Variants in SPOCK3 observed in about 807,000 individuals in gnomAD.
SPOCK3 encodes testican-3.
Under a neutral mutation model 56.6 loss-of-function variants are expected in SPOCK3, and 30 were observed. That is an observed-to-expected ratio of 0.53 (90% CI 0.40 to 0.72). SPOCK3 has a LOEUF of 0.72. Ranked by LOEUF, SPOCK3 falls within the 30% of genes least tolerant of loss-of-function variation. The probability of loss-of-function intolerance (pLI) is 0.00; values close to 1 mark genes in which losing one functional copy is unlikely to be tolerated. For missense variants in SPOCK3, 527 were observed against 530.0 expected, an observed-to-expected ratio of 0.99 and a Z score of 0.06; for synonymous variants, 196 against 183.3, an observed-to-expected ratio of 1.07 and a Z score of -0.56.
intron 2 of SPOCK3, among the ~76,000 whole-genome samples, chr4:167,128,218 T>A (rs1434979046): frequency 2.0e-5 from 3 of 152,124 alleles, no homozygotes; most frequent in Non-Finnish European, 4.4e-5. Flanking sequence ...TCCTTACACC[T>A]CCTCTCATTC....
intron 4 of SPOCK3, among the ~76,000 whole-genome samples, chr4:166,927,672 GT>G (rs768552197): frequency 6.6e-6 from 1 of 152,108 alleles, no homozygotes; most frequent in Admixed American, 6.5e-5. Flanking sequence ...GTTTTGGAAA[GT>G]TTTTTTAGAT....
At chr4:166,738,064 C>G (rs1224857608) in intron 9 of SPOCK3, among the ~76,000 whole-genome samples, 1 of 152,196 alleles carries the variant, frequency 6.6e-6, no homozygotes, top group African/African-American at 2.4e-5. Context: ...CCAAATCAAG[C>G]TATGTGTTTT....
At chr4:166,802,782 T>C (rs1742752588) in intron 6 of SPOCK3, among the ~76,000 whole-genome samples, 1 of 152,128 alleles carries the variant, frequency 6.6e-6, no homozygotes, top group Non-Finnish European at 1.5e-5. Flanking sequence ...AATAAATATG[T>C]TCACACATAT....
At chr4:166,956,364 C>A (rs1323170897) in intron 4 of SPOCK3, among the ~76,000 whole-genome samples, 11 of 152,106 alleles carry the variant, frequency 7.2e-5, no homozygotes, top group Admixed American at 5.9e-4. Context: ...TGTGCTTGCA[C>A]TTTGGGGCCA....
intron 3 of SPOCK3, among the ~76,000 whole-genome samples, chr4:167,025,927 CA>C (rs1373658371): frequency 6.6e-6 from 1 of 152,008 alleles, no homozygotes; most frequent in African/African-American, 2.4e-5. Context: ...TCCTAGGCTA[CA>C]AACCTGTACA....
At chr4:167,030,712 ACT>A (rs1231365566) in intron 3 of SPOCK3, among the ~76,000 whole-genome samples, 1 of 151,954 alleles carries the variant, frequency 6.6e-6, no homozygotes, top group Admixed American at 6.6e-5. Context: ...CCAATAAGAG[ACT>A]CTACCATATA....
At chr4:167,116,622 T>TACGTATATACTATATACGTATATATATAC (rs1554038927) in intron 2 of SPOCK3, among the ~76,000 whole-genome samples, 5 of 125,378 alleles carry the variant, frequency 4.0e-5, no homozygotes, top group East Asian at 2.2e-4. Flanking sequence ...CGTATATATA[T>TACGTATATACTATATACGTATATATATAC]ACATATATAC....
At chr4:166,807,823 T>G (rs1344086400) in intron 6 of SPOCK3, among the ~76,000 whole-genome samples, 1 of 152,162 alleles carries the variant, frequency 6.6e-6, no homozygotes, top group Non-Finnish European at 1.5e-5. Flanking sequence ...CAGATGGCAT[T>G]TGAGTTACAT....
chr4:166,953,684 C>G (rs1044793647), intron 4 of SPOCK3, among the ~76,000 whole-genome samples: 1 of 152,096 alleles, frequency 6.6e-6, no homozygotes, highest in African/African-American at 2.4e-5. Context: ...TGGAACCAAC[C>G]CAAATGTCCA....
In SPOCK3 at chr4:166,935,211, CCA is replaced by C. The variant is rs989738045; in HGVS notation, c.351-22470_351-22469del. Reference sequence around the variant, plus strand: ...GAACAGGCCCTGACTGTTCCTTATCCCAACTGTTTCCTGGGGTTGAATTTCCA... The same window carrying C: ...GAACAGGCCCTGACTGTTCCTTATCCACTGTTTCCTGGGGTTGAATTTCCA... On this transcript the variant is annotated intron_variant, in intron 4 of 10. Coordinates refer to ENST00000357545, the MANE Select transcript of SPOCK3 (RefSeq NM_001040159.2). Among the ~76,000 whole-genome samples, 211 of 152,184 alleles carry C rather than the reference CCA, an allele frequency of 1.4e-3. 2 individuals carry two copies. Among genetic ancestry groups the C allele is most frequent in the Non-Finnish European group, 4.6e-4 (31 of 68,008 alleles).
intron 3 of SPOCK3, among the ~76,000 whole-genome samples, chr4:167,046,682 T>G (rs751355297): frequency 1.8e-4 from 27 of 151,968 alleles, no homozygotes; most frequent in Non-Finnish European, 3.7e-4. Flanking sequence ...GGTCTCGAAC[T>G]CCTACCTCAT....
chr4:166,930,986 C>T (rs1215471410), intron 4 of SPOCK3, among the ~76,000 whole-genome samples: 1 of 151,930 alleles, frequency 6.6e-6, no homozygotes, highest in Admixed American at 6.6e-5. Context: ...CACACAGAAA[C>T]AATTTTCCTT....
chr4:166,992,422 C>T (rs1257996818), intron 4 of SPOCK3, among the ~76,000 whole-genome samples: 1 of 152,072 alleles, frequency 6.6e-6, no homozygotes, highest in East Asian at 1.9e-4. Flanking sequence ...TTTCTCAGTT[C>T]TTTCAAAATA....
At chr4:166,873,179 T>G (rs1211495781) in intron 6 of SPOCK3, among the ~76,000 whole-genome samples, 1 of 151,034 alleles carries the variant, frequency 6.6e-6, no homozygotes, top group Non-Finnish European at 1.5e-5. Flanking sequence ...AGCAATGACA[T>G]TCTGGAAAAG....
chr4:166,930,894 G>C (rs1022404542), intron 4 of SPOCK3, among the ~76,000 whole-genome samples: 9 of 152,060 alleles, frequency 5.9e-5, no homozygotes, highest in Admixed American at 5.9e-4. Context: ...GTGTCAATTT[G>C]TCATTTGCCA....
At chr4:167,106,803 G>A in intron 2 of SPOCK3, among the ~76,000 whole-genome samples, 1 of 147,794 alleles carries the variant, frequency 6.8e-6, no homozygotes, top group South Asian at 2.1e-4. Context: ...AATAAAATCA[G>A]AGATGAACAG....
chr4:167,132,260 C>T (rs1462302566), intron 2 of SPOCK3, among the ~76,000 whole-genome samples: 8 of 152,178 alleles, frequency 5.3e-5, no homozygotes, highest in Non-Finnish European at 1.2e-4. Context: ...AGCAGAACTA[C>T]AGTCAACTCT....
chr4:167,101,215 G>A (rs145652426), intron 2 of SPOCK3, among the ~76,000 whole-genome samples: 1,696 of 152,168 alleles, frequency 0.011, 18 homozygotes, highest in Non-Finnish European at 0.018. Flanking sequence ...CTGTCACAGG[G>A]CCTGCTAGTC....
chr4:166,845,268 G>T (rs1201006277), intron 6 of SPOCK3, among the ~76,000 whole-genome samples: 2 of 151,942 alleles, frequency 1.3e-5, no homozygotes, highest in African/African-American at 4.8e-5. Context: ...TGAACCATTT[G>T]CAAAAAGAAC....
Sources: allele counts gnomAD v4.1 joint callset (sites outside exome capture counted in the v4.1 genomes callset), GRCh38; gene constraint gnomAD v4.1.1; transcripts MANE v1.5; gene names NCBI Gene and HGNC (gene_info 2026-07-23, HGNC 2026-07-21).